Variants in BTG4 observed in about 807,000 individuals in gnomAD.
BTG4 encodes BTG anti-proliferation factor 4.
A neutral mutation model predicts 19.3 loss-of-function variants in BTG4; 10 were observed. The ratio of observed to expected loss-of-function variants is 0.52; its 90% CI spans 0.32 to 0.88. The LOEUF (loss-of-function observed/expected upper bound fraction) is 0.88. Among genes scored for constraint, BTG4 ranks in the 40% least tolerant of loss-of-function variants. The pLI, the probability that BTG4 is intolerant of heterozygous loss-of-function variation, is 0.04. For missense variants in BTG4, 238 were observed against 281.9 expected, an observed-to-expected ratio of 0.84 and a Z score of 1.11; for synonymous variants, 91 against 95.7, an observed-to-expected ratio of 0.95 and a Z score of 0.29.
In BTG4 at chr11:111,498,090, T is replaced by C; in HGVS notation, c.219A>G (p.Glu73=). The change falls in exon 3 of 5, where the codon GAA becomes GAG. Residue 73 remains glutamate, a synonymous_variant. Coordinates refer to ENST00000692032, the MANE Select transcript of BTG4 (RefSeq NM_001367975.1). ...CTACATTACTTTCCACACATGCCCT[T>C]TCTAGAATGGGATCTTTATTCTGAT... The part of the protein sequence containing the change: ...NNNQNKDPIL[E]RACVESNVDF... The C allele has an allele frequency of 6.2e-7, 1 of 1,614,150 alleles. No individual in the cohort carries two copies. The highest frequency in any genetic ancestry group is 8.5e-7 in the Non-Finnish European group (1 of 1,179,982).
At chr11:111,470,352 T>A (rs1223308776) in intron 5 of BTG4, among the ~76,000 whole-genome samples, 1 of 152,168 alleles carries the variant, frequency 6.6e-6, no homozygotes, top group East Asian at 1.9e-4. Context: ...CCCAAAGTTC[T>A]GGGATTACAG....
exon 6 of BTG4, chr11:111,467,603 A>G (rs12803406): frequency 0.084 from 60,282 of 717,956 alleles, 3,154 homozygotes; most frequent in Non-Finnish European, 0.11. Context: ...CCTGCCATGG[A>G]AGCCCAAGGC....
the BTG4 span, among the ~76,000 whole-genome samples, chr11:111,404,466 G>A: frequency 3.9e-5 from 6 of 152,180 alleles, no homozygotes; most frequent in African/African-American, 1.4e-4. Flanking sequence ...TCTGTGGTTA[G>A]GAAGCATTTT....
chr11:111,454,882 G>A, the BTG4 span: 2 of 421,584 alleles, frequency 4.7e-6, no homozygotes, highest in Admixed American at 2.4e-5. Context: ...TGGCAGCAGG[G>A]GGCGCTGCAA....
downstream of BTG4, among the ~76,000 whole-genome samples, chr11:111,491,367 G>T (rs1865404388): frequency 6.6e-6 from 1 of 151,968 alleles, no homozygotes; most frequent in Non-Finnish European, 1.5e-5. Context: ...TTACCAAGGG[G>T]GAAAACTAGG....
the BTG4 span, among the ~76,000 whole-genome samples, chr11:111,436,485 G>A: frequency 1.3e-5 from 2 of 152,112 alleles, no homozygotes; most frequent in East Asian, 3.9e-4. Flanking sequence ...AATTAGCTGG[G>A]CGTGGTAGTG....
the BTG4 span, among the ~76,000 whole-genome samples, chr11:111,390,989 G>A: frequency 1.3e-5 from 2 of 152,194 alleles, 1 homozygote; most frequent in Admixed American, 1.3e-4. Flanking sequence ...AGAAAATTTG[G>A]CAGACTTCTG....
chr11:111,470,952 T>G (rs987771124), intron 5 of BTG4, among the ~76,000 whole-genome samples: 1 of 152,116 alleles, frequency 6.6e-6, no homozygotes, highest in Non-Finnish European at 1.5e-5. Flanking sequence ...AAACACTTTT[T>G]TGAAAGTATC....
chr11:111,466,907 C>T (rs1211029227), downstream of BTG4: 1 of 152,606 alleles, frequency 6.6e-6, no homozygotes, highest in African/African-American at 2.4e-5. Flanking sequence ...TTGTTTCTGG[C>T]CTCTCTATGG....
chr11:111,507,363 T>G (rs11213930), intron 1 of BTG4, among the ~76,000 whole-genome samples: 5,300 of 152,220 alleles, frequency 0.035, 317 homozygotes, highest in African/African-American at 0.12. Flanking sequence ...TGAGGGTTTT[T>G]GTTTTTTGTT....
chr11:111,484,023 A>G (rs1864900688), intron 5 of BTG4, among the ~76,000 whole-genome samples: 1 of 152,224 alleles, frequency 6.6e-6, no homozygotes, highest in South Asian at 2.1e-4. Context: ...TATATCTGGC[A>G]GCAGACATCT....
At chr11:111,479,211 AT>A (rs1341948726) in intron 5 of BTG4, among the ~76,000 whole-genome samples, 1 of 152,110 alleles carries the variant, frequency 6.6e-6, no homozygotes, top group Non-Finnish European at 1.5e-5. Flanking sequence ...GTGGCACAAT[AT>A]TTTTCTAATG....
the BTG4 span, among the ~76,000 whole-genome samples, chr11:111,461,095 G>A: frequency 9.2e-5 from 14 of 152,186 alleles, no homozygotes; most frequent in Non-Finnish European, 1.3e-4. Context: ...AGGAAGCCCC[G>A]TCAGGAGGTT....
At chr11:111,395,778 A>G in the BTG4 span, among the ~76,000 whole-genome samples, 1 of 152,226 alleles carries the variant, frequency 6.6e-6, no homozygotes, top group Non-Finnish European at 1.5e-5. Context: ...CAGCCCCACA[A>G]GCATCTCCAG....
chr11:111,511,286 G>GA (rs1866890417), intron 1 of BTG4, among the ~76,000 whole-genome samples: 2 of 152,190 alleles, frequency 1.3e-5, no homozygotes, highest in African/African-American at 2.4e-5. Flanking sequence ...TATGCATTTG[G>GA]AAAAAAAGTG....
the BTG4 span, chr11:111,385,906 G>C: frequency 6.6e-6 from 1 of 152,192 alleles, no homozygotes; most frequent in African/African-American, 2.4e-5. Context: ...GCTTACACCT[G>C]CAATCCCAGC....
the BTG4 span, among the ~76,000 whole-genome samples, chr11:111,397,235 C>T: frequency 2.6e-5 from 4 of 152,144 alleles, no homozygotes; most frequent in East Asian, 7.7e-4. Flanking sequence ...TTATGCAAAT[C>T]TCTCATCTTC....
chr11:111,436,218 G>A, the BTG4 span, among the ~76,000 whole-genome samples: 1 of 152,184 alleles, frequency 6.6e-6, no homozygotes, highest in African/African-American at 2.4e-5. Context: ...ATCAGTAGCT[G>A]CAAATCCAGC....
At chr11:111,416,823 G>C in the BTG4 span, 1 of 152,230 alleles carries the variant, frequency 6.6e-6, no homozygotes, top group Non-Finnish European at 1.5e-5. Flanking sequence ...CCAGCACGGT[G>C]CCTGAGCAGA....
Sources: allele counts gnomAD v4.1 joint callset (sites outside exome capture counted in the v4.1 genomes callset), GRCh38; gene constraint gnomAD v4.1.1; transcripts MANE v1.5; gene names NCBI Gene and HGNC (gene_info 2026-07-23, HGNC 2026-07-21).